SRP19: variants seen among roughly 807,000 people sequenced by gnomAD.
The protein encoded by SRP19 is signal recognition particle 19 kDa protein.
A neutral mutation model predicts 22.4 loss-of-function variants in SRP19; 11 were observed. The ratio of observed to expected loss-of-function variants is 0.49; its 90% confidence interval spans 0.31 to 0.81. The LOEUF (loss-of-function observed/expected upper bound fraction) is 0.81. SRP19 is among the 40% of genes least tolerant of loss of function. The pLI, the probability that SRP19 is intolerant of heterozygous loss-of-function variation, is 0.05. For synonymous variants in SRP19, 61 were observed against 57.6 expected, an observed-to-expected ratio of 1.06 and a Z score of -0.27; for missense variants, 168 against 175.9, an observed-to-expected ratio of 0.96 and a Z score of 0.25.
chr5:112,886,424 C>T (rs1768247772), intron 4 of SRP19, among the ~76,000 whole-genome samples: 1 of 152,186 alleles, frequency 6.6e-6, no homozygotes, highest in Non-Finnish European at 1.5e-5. Flanking sequence ...TCATGAATGG[C>T]TCTTTATCAT....
intron 1 of SRP19, 137 bp downstream of exon 1, chr5:112,861,554 C>G: frequency 2.3e-6 from 2 of 885,998 alleles, no homozygotes; most frequent in Non-Finnish European, 3.4e-6. Context: ...CCCCGCGCCT[C>G]TCCCTGGCAG....
intron 4 of SRP19, among the ~76,000 whole-genome samples, chr5:112,879,109 G>A (rs1767986407): frequency 6.6e-6 from 1 of 152,076 alleles, no homozygotes; most frequent in Admixed American, 6.6e-5. Context: ...GAAACTGTCT[G>A]CCCTCTATTC....
chr5:112,887,150 G>C, intron 4 of SRP19: 2 of 1,609,042 alleles, frequency 1.2e-6, no homozygotes, highest in Non-Finnish European at 1.7e-6. Flanking sequence ...CCATTAGAAG[G>C]GCTCGGGGCC....
chr5:112,864,218 AC>A (rs1434386905), intron 2 of SRP19, among the ~76,000 whole-genome samples: 2 of 152,220 alleles, frequency 1.3e-5, no homozygotes, highest in Non-Finnish European at 1.5e-5. Context: ...GGTTAACAAA[AC>A]AAAGCCCCTG....
chr5:112,866,729 G>A lies in SRP19; in HGVS notation c.302-675G>A, dbSNP rs375600686. Among the ~76,000 whole-genome samples the A allele has an allele frequency of 3.5e-4, 54 of 152,298 alleles. No homozygotes were observed. In the South Asian group the frequency reaches 3.7e-3, roughly 11 times the overall value. On this transcript the variant is annotated intron_variant, in intron 4 of 4. Coordinates refer to ENST00000505459, the MANE Select transcript of SRP19 (RefSeq NM_003135.3). ...AAGGAGTGACATCATATTCTGATAT[G>A]TTTTTTCTCCTTAACATTTTCCTAT...
chr5:112,893,627 G>A (rs1471718798), downstream of SRP19: 1 of 152,842 alleles, frequency 6.5e-6, no homozygotes, highest in Non-Finnish European at 1.5e-5. Flanking sequence ...CATGACAGTA[G>A]ATGATGGAAA....
At chr5:112,866,756 TTA>T (rs1767619753) in intron 4 of SRP19, among the ~76,000 whole-genome samples, 1 of 152,234 alleles carries the variant, frequency 6.6e-6, no homozygotes, top group African/African-American at 2.4e-5. Context: ...TTTTCCTATA[TTA>T]TATCTCAAAA....
downstream of SRP19, among the ~76,000 whole-genome samples, chr5:112,873,087 T>C (rs967402626): frequency 6.8e-5 from 8 of 118,078 alleles, no homozygotes; most frequent in African/African-American, 2.3e-4. Flanking sequence ...TTTGTGTGGG[T>C]CTTTTTTTTT....
downstream of SRP19, chr5:112,893,833 C>T (rs1035020073): frequency 1.3e-5 from 2 of 152,184 alleles, no homozygotes; most frequent in Admixed American, 6.5e-5. Flanking sequence ...GCAAGTAGTT[C>T]GATGTTACTC....
chr5:112,887,996 T>G (rs1246120766), intron 4 of SRP19, among the ~76,000 whole-genome samples: 1 of 152,218 alleles, frequency 6.6e-6, no homozygotes, highest in Non-Finnish European at 1.5e-5. Context: ...CCCTAGAAAG[T>G]TTAATAAACA....
At chr5:112,872,416 C>T (rs770760338), downstream of SRP19, among the ~76,000 whole-genome samples, 3 of 149,836 alleles carry the variant, frequency 2.0e-5, no homozygotes, top group Admixed American at 6.7e-5. Context: ...GCAACCTCTG[C>T]CTCCCGGGTT....
Position 112,877,907 on chromosome 5 carries a change from G to A in SRP19, c.301+13175G>A, listed in dbSNP as rs2150031767. 3 of 152,202 alleles carry A rather than the reference G, an allele frequency of 2.0e-5. 1 individual carries two copies. The South Asian group carries it at 6.2e-4, about 31-fold the overall frequency. The allele number at this position is 152,202 out of a possible 1,614,324, so 9.4% of individuals were successfully genotyped here. A position where few individuals can be genotyped will look rare whatever the true frequency, so the allele number is the denominator to read the frequency against. Reference sequence around the variant, plus strand: ...TTTCCATTGTAGCATCTTGACAATAGACAAATATGTAAAGTTTATAGCAGA... The same window carrying A: ...TTTCCATTGTAGCATCTTGACAATAAACAAATATGTAAAGTTTATAGCAGA... On this transcript the variant is annotated intron_variant, in intron 4 of 4. Transcript: ENST00000391338.
chr5:112,863,951 T>C (rs773671808), intron 2 of SRP19, among the ~76,000 whole-genome samples: 8 of 152,302 alleles, frequency 5.3e-5, no homozygotes, highest in Non-Finnish European at 1.0e-4. Flanking sequence ...CCCTTTCTAC[T>C]CTGGATGGAA....
chr5:112,894,499 C>T (rs1768617974), downstream of SRP19: 3 of 152,294 alleles, frequency 2.0e-5, no homozygotes, highest in South Asian at 6.2e-4. Flanking sequence ...CCCCAAAATG[C>T]AATACAACAT....
exon 5 of SRP19, chr5:112,891,743 A>C: frequency 6.2e-7 from 1 of 1,614,178 alleles, no homozygotes; most frequent in Non-Finnish European, 8.5e-7. Flanking sequence ...AAACGAAAGA[A>C]ACGTCGGCAG....
intron 4 of SRP19, among the ~76,000 whole-genome samples, chr5:112,881,159 A>G (rs1262612168): frequency 6.8e-6 from 1 of 147,486 alleles, no homozygotes; most frequent in African/African-American, 2.5e-5. Context: ...AAAGCTGGCA[A>G]TCCTAAAGTG....
chr5:112,867,817 TTGAAA>T lies in SRP19; in HGVS notation c.*282_*286del. The T allele has an allele frequency of 9.2e-7, 1 of 1,092,268 alleles. No individual in the cohort carries two copies. Among genetic ancestry groups the T allele is most frequent in the Non-Finnish European group, 1.1e-6 (1 of 898,998 alleles). The allele number at this position is 1,092,268 out of a possible 1,614,324, so 67.7% of individuals were successfully genotyped here. ...GACAATGGACTGTACAATAAGTTACTTGAAATAAGTTGTTTCAGATAAATTTCAAT... is the reference window on the plus strand; with the variant it reads ...GACAATGGACTGTACAATAAGTTACTTAAGTTGTTTCAGATAAATTTCAAT... On this transcript the variant is annotated 3_prime_UTR_variant, in exon 5 of 5. Transcript: ENST00000505459.
downstream of SRP19, among the ~76,000 whole-genome samples, chr5:112,872,265 A>C (rs947761885): frequency 1.3e-5 from 2 of 151,516 alleles, no homozygotes; most frequent in East Asian, 3.9e-4. Flanking sequence ...TGAAAAATGC[A>C]GTATCTCTGG....
chr5:112,885,742 G>A, intron 4 of SRP19: 1 of 282,998 alleles, frequency 3.5e-6, no homozygotes, highest in Admixed American at 4.0e-5. Context: ...AGCTATTAAT[G>A]AACTAATTAA....
Sources: gnomAD v4.1 joint callset for allele counts (sites outside exome capture counted in the v4.1 genomes callset) on GRCh38, gnomAD v4.1.1 for gene constraint, MANE v1.5 for transcripts, NCBI Gene and HGNC (gene_info 2026-07-23, HGNC 2026-07-21) for gene names.